Variants in MDGA1 observed in about 807,000 individuals in gnomAD.
MDGA1 encodes MAM domain-containing glycosylphosphatidylinositol anchor protein 1.
In MDGA1, 54 loss-of-function variants were observed where a neutral mutation model predicts 101.5. The ratio of observed to expected loss-of-function variants is 0.53; its 90% confidence interval spans 0.43 to 0.67. The LOEUF (loss-of-function observed/expected upper bound fraction) is 0.67, where lower values mean the gene tolerates loss of function less well. MDGA1 is among the 30% of genes least tolerant of loss of function. MDGA1 has a pLI of 0.00. For missense variants in MDGA1, 1,083 were observed against 1,323.8 expected, an observed-to-expected ratio of 0.82 and a Z score of 2.82; for synonymous variants, 533 against 558.3, an observed-to-expected ratio of 0.95 and a Z score of 0.64.
At chr6:37,642,481 G>A (rs577788957) in intron 14 of MDGA1, among the ~76,000 whole-genome samples, 3 of 151,972 alleles carry the variant, frequency 2.0e-5, no homozygotes, top group Non-Finnish European at 4.4e-5. Flanking sequence ...CATATGTACT[G>A]GTTTCTATTG....
At position 37,635,904 on chromosome 6, in the gene MDGA1, C is replaced by T. The variant is rs987617354; in HGVS notation, c.*1464G>A. ...AGGTGGACACACACGCTGACGTACA[C>T]GGACATTCATAGAAACGAATGGGTC... is the stretch of plus-strand genomic sequence containing the variant. On this transcript the variant is annotated 3_prime_UTR_variant, in exon 17 of 17. Coordinates refer to ENST00000434837, the MANE Select transcript of MDGA1 (RefSeq NM_153487.4). 1.3e-5 allele frequency: 5 copies of T among 397,250 alleles called. No homozygotes were observed. Among genetic ancestry groups the T allele is most frequent in the Non-Finnish European group, 1.3e-5 (3 of 225,530 alleles). The allele number at this position is 397,250 out of a possible 1,614,324, so 24.6% of individuals were successfully genotyped here.
chr6:37,685,781 T>A (rs1259689507), intron 1 of MDGA1, among the ~76,000 whole-genome samples: 1 of 152,032 alleles, frequency 6.6e-6, no homozygotes, highest in Non-Finnish European at 1.5e-5. Flanking sequence ...CCCAAGCAAG[T>A]CATCCCCCTC....
chr6:37,686,535 T>C (rs1312364412), intron 1 of MDGA1, among the ~76,000 whole-genome samples: 2 of 152,016 alleles, frequency 1.3e-5, no homozygotes, highest in East Asian at 3.9e-4. Context: ...CAAGCGATTC[T>C]CCTGCCTCAG....
At chr6:37,659,880 A>T (rs931857517) in intron 2 of MDGA1, among the ~76,000 whole-genome samples, 2 of 152,068 alleles carry the variant, frequency 1.3e-5, no homozygotes, top group African/African-American at 4.8e-5. Flanking sequence ...GGACATGAAA[A>T]CATTTGATCC....
intron 1 of MDGA1, among the ~76,000 whole-genome samples, chr6:37,692,650 C>T (rs1251545388): frequency 6.6e-6 from 1 of 151,852 alleles, no homozygotes; most frequent in Non-Finnish European, 1.5e-5. Flanking sequence ...CTGTGATTAG[C>T]TCCCTCCATT....
chr6:37,692,235 G>C (rs935463418), intron 1 of MDGA1, among the ~76,000 whole-genome samples: 19 of 152,060 alleles, frequency 1.2e-4, no homozygotes, highest in African/African-American at 4.6e-4. Flanking sequence ...CACAGGGCAG[G>C]GCCCGTAGGC....
At position 37,635,335 on chromosome 6, in the gene MDGA1, GA is replaced by G; in HGVS notation, c.*2032del. The G allele has an allele frequency of 2.5e-6, 1 of 397,910 alleles. No individual in the cohort carries two copies. The highest frequency in any genetic ancestry group is 4.4e-6 in the Non-Finnish European group (1 of 226,148). 24.6% of individuals were successfully genotyped at this position (397,910 alleles called of 1,614,324 possible). On this transcript the variant is annotated 3_prime_UTR_variant, in exon 17 of 17. Coordinates refer to ENST00000434837, the MANE Select transcript of MDGA1 (RefSeq NM_153487.4). The stretch of plus-strand genomic sequence containing the variant: ...CGGGAGGTGGCGAAGGTGGAGGGGG[GA>G]CTTGGAAGGCTCAGAGGAGGAGCTC...
At position 37,697,503 on chromosome 6, in the gene MDGA1, C is replaced by T. The variant is rs1308212559; in HGVS notation, c.-692G>A. 6.6e-6 allele frequency: 1 copy of T among 152,152 alleles called. No individual in the cohort carries two copies. The highest frequency in any genetic ancestry group is 6.5e-5 in the Admixed American group (1 of 15,282). 9.4% of individuals were successfully genotyped at this position (152,152 alleles called of 1,614,324 possible). A position where few individuals can be genotyped will look rare whatever the true frequency, so the allele number is the denominator to read the frequency against. ...GATAAACCCGGGGGAAGAATAGCAG[C>T]CCGGCGCCCCGCGGGAATCTGGAGA... is the stretch of plus-strand genomic sequence containing the variant. On this transcript the variant is annotated 5_prime_UTR_variant, in exon 1 of 17. Coordinates refer to ENST00000434837, the MANE Select transcript of MDGA1 (RefSeq NM_153487.4).
Position 37,669,079 on chromosome 6 carries a change from C to T in MDGA1, c.68-4973G>A, listed in dbSNP as rs149949649. ...GCCAGGCTGGTCTCGAACTCCTGAC[C>T]TCGTGATCCACCCTCCTCGGCCTCC... is the stretch of plus-strand genomic sequence containing the variant. On this transcript the variant is annotated intron_variant, in intron 1 of 16. Transcript: ENST00000434837. 2.0e-4 allele frequency among the ~76,000 whole-genome samples: 30 copies of T among 152,282 alleles called. No homozygotes were observed. The East Asian group carries it at 4.0e-3, about 21-fold the overall frequency.
chr6:37,686,318 G>T (rs1256500826), intron 1 of MDGA1, among the ~76,000 whole-genome samples: 1 of 150,878 alleles, frequency 6.6e-6, no homozygotes, highest in Non-Finnish European at 1.5e-5. Context: ...AAAAGGCAGG[G>T]TTCCCAACCT....
chr6:37,663,672 A>G (rs1229018801), intron 2 of MDGA1, among the ~76,000 whole-genome samples: 2 of 152,216 alleles, frequency 1.3e-5, no homozygotes, highest in East Asian at 3.8e-4. Context: ...ACACATTAGA[A>G]AGTGCATCTA....
At position 37,637,372 on chromosome 6, in the gene MDGA1, C is replaced by T. The variant is rs1477064199; in HGVS notation, c.2864G>A (p.Arg955Lys). 1 of 1,613,278 alleles carries T rather than the reference C, an allele frequency of 6.2e-7. No individual in the cohort carries two copies. Among genetic ancestry groups the T allele is most frequent in the Non-Finnish European group, 8.5e-7 (1 of 1,179,436 alleles). ...PMAIFLLALQR is the reference protein window; with the variant it reads ...PMAIFLLALQK ...GGGGTGGCCACACAGCTCTCATCATCTCTGCAACGCCAAGAGGAAGATGGC... is the reference window on the plus strand; with the variant it reads ...GGGGTGGCCACACAGCTCTCATCATTTCTGCAACGCCAAGAGGAAGATGGC... The change falls in exon 17 of 17, where the codon AGA becomes AAA. Residue 955 changes from arginine to lysine, a missense_variant. Physicochemically the swap from Arg to Lys is conservative, Grantham distance 26. Coordinates refer to ENST00000434837, the MANE Select transcript of MDGA1 (RefSeq NM_153487.4).
chr6:37,668,491 A>AC (rs1475750993), intron 1 of MDGA1, among the ~76,000 whole-genome samples: 5 of 152,216 alleles, frequency 3.3e-5, no homozygotes, highest in African/African-American at 1.2e-4. Flanking sequence ...ATTGCTAAAA[A>AC]CAAGAACAAC....
At chr6:37,667,869 G>A (rs1043795705) in intron 1 of MDGA1, among the ~76,000 whole-genome samples, 8 of 152,222 alleles carry the variant, frequency 5.3e-5, no homozygotes, top group Non-Finnish European at 1.2e-4. Context: ...AGCCTGACCA[G>A]CAGACACAGG....
Position 37,655,629 on chromosome 6 carries a change from C to A in MDGA1, c.579+71G>T. On this transcript the variant is annotated intron_variant, in intron 4 of 16. Transcript: ENST00000434837. The surrounding 1 kb of genome is among the most constrained non-coding windows in gnomAD (Gnocchi z 5.1). Reference sequence around the variant, plus strand: ...TGAAGTCAAGGCAGTCCCAAAAACTCAGCCCCATGCCCCCCTCCCCTGTTG... The same window carrying A: ...TGAAGTCAAGGCAGTCCCAAAAACTAAGCCCCATGCCCCCCTCCCCTGTTG... 8.0e-7 allele frequency: 1 copy of A among 1,256,220 alleles called. No individual in the cohort carries two copies. Among genetic ancestry groups the A allele is most frequent in the Non-Finnish European group, 1.1e-6 (1 of 911,438 alleles). The allele number at this position is 1,256,220 out of a possible 1,614,324, so 77.8% of individuals were successfully genotyped here.
At chr6:37,647,080 T>C in intron 10 of MDGA1, 93 bp downstream of exon 10, 1 of 1,224,692 alleles carries the variant, frequency 8.2e-7, no homozygotes, top group Non-Finnish European at 1.2e-6. Context: ...CTAAGCCCCA[T>C]CTCCGACCCT....
At chr6:37,642,363 G>A (rs1233631520) in intron 14 of MDGA1, among the ~76,000 whole-genome samples, 1 of 151,850 alleles carries the variant, frequency 6.6e-6, no homozygotes, top group African/African-American at 2.4e-5. Flanking sequence ...GTAGAGACGA[G>A]GTTTCGCCAT....
Position 37,645,875 on chromosome 6 carries a change from G to A in MDGA1, c.2248+58C>T, listed in dbSNP as rs971034426. ...ATAGCCTATCTCCTTTCTCTCACCA[G>A]GAGAGCCTTTGTGTCCCTAAAGGGA... On this transcript the variant is annotated intron_variant, in intron 12 of 16. Transcript: ENST00000434837. 8 of 1,589,578 alleles carry A rather than the reference G, an allele frequency of 5.0e-6. No individual in the cohort carries two copies. The African/African-American group carries it at 9.4e-5, about 19-fold the overall frequency.
At chr6:37,663,406 G>A (rs1482096268) in intron 2 of MDGA1, among the ~76,000 whole-genome samples, 3 of 152,224 alleles carry the variant, frequency 2.0e-5, no homozygotes, top group African/African-American at 7.2e-5. Flanking sequence ...CACTCCTGAA[G>A]TTCCCAACTC....
Sources: allele counts gnomAD v4.1 joint callset (sites outside exome capture counted in the v4.1 genomes callset), GRCh38; gene constraint gnomAD v4.1.1; non-coding constraint Gnocchi (gnomAD v3.1); transcripts MANE v1.5; gene names NCBI Gene and HGNC (gene_info 2026-07-23, HGNC 2026-07-21).